The following CAST variants were observed in gnomAD, a reference collection of about 807,000 sequenced individuals.
CAST encodes calpastatin, also known as MIR583 host.
A neutral mutation model predicts 119.6 loss-of-function variants in CAST; 76 were observed. The ratio of observed to expected loss-of-function variants is 0.64; its 90% CI spans 0.53 to 0.77. CAST has a LOEUF of 0.77. Ranked by LOEUF, CAST falls within the 30% of genes least tolerant of loss-of-function variation. CAST has a pLI of 0.00. For missense variants in CAST, 953 were observed against 946.5 expected (o/e 1.01, Z -0.09); for synonymous variants, 319 against 331.6 (o/e 0.96, Z 0.41).
At chr5:96,625,810 C>G (rs1747708372) in intron 1 of CAST, among the ~76,000 whole-genome samples, 1 of 152,186 alleles carries the variant, frequency 6.6e-6, no homozygotes, top group African/African-American at 2.4e-5. Flanking sequence ...ACTTGTCATA[C>G]TTTTCCTGTC....
At chr5:96,016,251 G>GT in the CAST span, among the ~76,000 whole-genome samples, 3 of 152,182 alleles carry the variant, frequency 2.0e-5, no homozygotes, top group South Asian at 2.1e-4. Context: ...CCCTAGTAGT[G>GT]TTTTTTCTCT....
chr5:96,307,586 G>A, the CAST span, among the ~76,000 whole-genome samples: 2 of 152,178 alleles, frequency 1.3e-5, no homozygotes, highest in Non-Finnish European at 2.9e-5. Context: ...GCAGTGGCTG[G>A]TACTGGCTGT....
At chr5:96,493,566 A>G in the CAST span, among the ~76,000 whole-genome samples, 1 of 152,210 alleles carries the variant, frequency 6.6e-6, no homozygotes, top group South Asian at 2.1e-4. Flanking sequence ...CAACCCAAGC[A>G]TCATGCTGGG....
At chr5:96,737,318 A>G (rs570004504) in intron 10 of CAST, among the ~76,000 whole-genome samples, 25 of 141,400 alleles carry the variant, frequency 1.8e-4, no homozygotes, top group Non-Finnish European at 3.4e-4. Flanking sequence ...CAAGTGAACA[A>G]CAACAAAAAA....
intron 3 of CAST, among the ~76,000 whole-genome samples, chr5:96,704,933 G>T (rs34847574): frequency 7.2e-5 from 11 of 151,972 alleles, no homozygotes; most frequent in African/African-American, 2.7e-4. Flanking sequence ...CTCTTTGCTC[G>T]CACTGAATGT....
chr5:96,764,137 T>C (rs1385559475), intron 25 of CAST, among the ~76,000 whole-genome samples: 3 of 152,208 alleles, frequency 2.0e-5, no homozygotes, highest in African/African-American at 7.2e-5. Context: ...ATTGAATTCA[T>C]TTAGAGGTGG....
the CAST span, among the ~76,000 whole-genome samples, chr5:96,113,081 A>G: frequency 6.6e-6 from 1 of 152,220 alleles, no homozygotes; most frequent in African/African-American, 2.4e-5. Flanking sequence ...AGTACCAAAG[A>G]AAGTCTTAAG....
chr5:96,562,450 C>G (rs1746396121), intron 1 of CAST, among the ~76,000 whole-genome samples: 1 of 152,136 alleles, frequency 6.6e-6, no homozygotes, highest in Non-Finnish European at 1.5e-5. Flanking sequence ...GCCTCTCAAA[C>G]TGAGTACTAA....
chr5:96,561,960 T>C (rs1483416009), intron 1 of CAST, among the ~76,000 whole-genome samples: 1 of 149,124 alleles, frequency 6.7e-6, no homozygotes, highest in Non-Finnish European at 1.5e-5. Flanking sequence ...GCCCGGCTAA[T>C]TTTTTGTATT....
the CAST span, among the ~76,000 whole-genome samples, chr5:96,211,851 A>C: frequency 6.6e-6 from 1 of 152,090 alleles, no homozygotes; most frequent in Non-Finnish European, 1.5e-5. Context: ...GTTCTGAATT[A>C]GTTGTTGTAC....
At chr5:96,138,538 G>A in the CAST span, among the ~76,000 whole-genome samples, 1 of 151,920 alleles carries the variant, frequency 6.6e-6, no homozygotes, top group African/African-American at 2.4e-5. Flanking sequence ...GGTTGGGGTT[G>A]CTTTAAAGTT....
chr5:96,662,334 TCC>T, upstream of CAST: 5 of 260,328 alleles, frequency 1.9e-5, no homozygotes, highest in Non-Finnish European at 3.1e-5. Context: ...CCTCCCTCCC[TCC>T]CTCTCTCCCT....
the CAST span, among the ~76,000 whole-genome samples, chr5:96,462,098 C>A: frequency 1.1e-4 from 16 of 152,166 alleles, 1 homozygote; most frequent in African/African-American, 3.9e-4. Flanking sequence ...ATCCCTGTTC[C>A]CCAGCACGGA....
At chr5:96,680,343 A>G (rs931395739) in intron 2 of CAST, among the ~76,000 whole-genome samples, 6 of 127,046 alleles carry the variant, frequency 4.7e-5, no homozygotes, top group African/African-American at 1.5e-4. Flanking sequence ...CAACAGAACG[A>G]GACTCTGTCT....
chr5:96,402,198 C>T, the CAST span, among the ~76,000 whole-genome samples: 1 of 152,130 alleles, frequency 6.6e-6, no homozygotes, highest in African/African-American at 2.4e-5. Flanking sequence ...GAGTCCGGCT[C>T]CTAGTTAAAA....
intron 1 of CAST, among the ~76,000 whole-genome samples, chr5:96,591,348 T>C (rs1450259651): frequency 1.3e-5 from 2 of 152,172 alleles, no homozygotes; most frequent in Admixed American, 1.3e-4. Context: ...TAGATAAAGC[T>C]TGGGGATGGT....
At chr5:96,055,053 G>A in the CAST span, among the ~76,000 whole-genome samples, 1 of 152,040 alleles carries the variant, frequency 6.6e-6, no homozygotes, top group Non-Finnish European at 1.5e-5. Flanking sequence ...CATCCTTGAA[G>A]CCATGCAGAT....
the CAST span, among the ~76,000 whole-genome samples, chr5:96,198,385 T>C: frequency 6.6e-6 from 1 of 152,140 alleles, no homozygotes; most frequent in Non-Finnish European, 1.5e-5. Context: ...ACTTAGGCTG[T>C]CTCATACTTA....
chr5:95,963,725 C>CTTTTTTTTTT, the CAST span, among the ~76,000 whole-genome samples: 448 of 129,900 alleles, frequency 3.4e-3, 7 homozygotes, highest in South Asian at 0.011. Flanking sequence ...TTCTCTCTCT[C>CTTTTTTTTTT]TTTTTTTTTT....
Sources: gnomAD v4.1 joint callset for allele counts (sites outside exome capture counted in the v4.1 genomes callset) on GRCh38, gnomAD v4.1.1 for gene constraint, MANE v1.5 for transcripts, NCBI Gene and HGNC (gene_info 2026-07-23, HGNC 2026-07-21) for gene names.